Variants in DPF2 observed in about 807,000 individuals in gnomAD.
DPF2 encodes the protein zinc finger protein ubi-d4.
Under a neutral mutation model 59.6 loss-of-function variants are expected in DPF2, and 10 were observed. The ratio of observed to expected loss-of-function variants is 0.17; its 90% confidence interval spans 0.10 to 0.28. The LOEUF (loss-of-function observed/expected upper bound fraction) is 0.28, where lower values mean the gene tolerates loss of function less well. Ranked by LOEUF, DPF2 falls within the 10% of genes least tolerant of loss-of-function variation. DPF2 has a pLI of 1.00. For synonymous variants in DPF2, 189 were observed against 190.6 expected, an observed-to-expected ratio of 0.99 and a Z score of 0.07; for missense variants, 315 against 509.4, an observed-to-expected ratio of 0.62 and a Z score of 3.67.
At chr11:65,342,862 A>C (rs1224937025) in intron 4 of DPF2, among the ~76,000 whole-genome samples, 1 of 150,576 alleles carries the variant, frequency 6.6e-6, no homozygotes, top group Non-Finnish European at 1.5e-5. Context: ...AATACAAAAA[A>C]AATTAGCCAG....
At chr11:65,340,925 A>T (rs1356774001) in intron 2 of DPF2, 41 bp from the exon 3 acceptor site, 9 of 1,592,972 alleles carry the variant, frequency 5.6e-6, no homozygotes, top group Non-Finnish European at 5.1e-6. Flanking sequence ...ACTTTCTAAT[A>T]CTGGGTTAGG....
rs752963300 is a variant in DPF2, at chr11:65,340,403, C to T, written c.51C>T (p.Tyr17=). The T allele has an allele frequency of 3.0e-5, 48 of 1,614,100 alleles. No homozygotes were observed. Among genetic ancestry groups the T allele is most frequent in the Non-Finnish European group, 4.0e-5 (47 of 1,180,050 alleles). ...NVVKLLGEQY[Y]KDAMEQCHNY... ...CCTGCAGCCTTGGGGAGCAGTACTA[C>T]AAAGATGCCATGGAGCAGTGCCACA... The change falls in exon 2 of 11, where the codon TAC becomes TAT. Residue 17 remains tyrosine (Y), a synonymous_variant. Coordinates refer to ENST00000528416, the MANE Select transcript of DPF2 (RefSeq NM_006268.5).
In DPF2 at chr11:65,344,673, T is replaced by C. The variant is rs899312804; in HGVS notation, c.637+604T>C. 4.6e-6 allele frequency: 7 copies of C among 1,509,702 alleles called. No homozygotes were observed. The Admixed American group carries it at 6.0e-5, about 13-fold the overall frequency. The allele number at this position is 1,509,702 out of a possible 1,614,324, so 93.5% of individuals were successfully genotyped here. ...TGGTTTTCCTTTCCCTTTTTCCCTCTTCCCTTGTTCCTCCTGCCTTTCTCA... is the reference window on the plus strand; with the variant it reads ...TGGTTTTCCTTTCCCTTTTTCCCTCCTCCCTTGTTCCTCCTGCCTTTCTCA... On this transcript the variant is annotated intron_variant, in intron 6 of 10. Coordinates refer to ENST00000528416, the MANE Select transcript of DPF2 (RefSeq NM_006268.5).
intron 1 of DPF2, among the ~76,000 whole-genome samples, chr11:65,340,110 T>G (rs1049185874): frequency 1.3e-5 from 2 of 152,200 alleles, no homozygotes; most frequent in Non-Finnish European, 2.9e-5. Context: ...GAGTGAACAT[T>G]CTTTCACCTC....
chr11:65,349,656 T>C (rs1173521457), intron 10 of DPF2, among the ~76,000 whole-genome samples: 4 of 151,904 alleles, frequency 2.6e-5, no homozygotes, highest in Non-Finnish European at 5.9e-5. Context: ...ATTAGCCGGC[T>C]GTGGTGGCGG....
intron 10 of DPF2, 23 bp from the exon 11 acceptor site, chr11:65,351,660 G>T: frequency 1.9e-6 from 3 of 1,612,762 alleles, no homozygotes; most frequent in Middle Eastern, 3.3e-4. Flanking sequence ...GACCCATCCT[G>T]ACCCCATTTT....
intron 1 of DPF2, among the ~76,000 whole-genome samples, chr11:65,340,164 A>G (rs1448522766): frequency 6.6e-6 from 1 of 152,204 alleles, no homozygotes; most frequent in South Asian, 2.1e-4. Flanking sequence ...TGATGAAATC[A>G]TGTGTTCCTG....
In DPF2 at chr11:65,340,459, G is replaced by A. The variant is rs761500665; in HGVS notation, c.107G>A (p.Ser36Asn). The change falls in exon 2 of 11, where the codon AGC (serine) becomes AAC (asparagine). Residue 36 changes from serine to asparagine, a missense_variant. Ser to Asn is a conservative substitution (Grantham distance 46, BLOSUM62 1). Coordinates refer to ENST00000528416, the MANE Select transcript of DPF2 (RefSeq NM_006268.5). ...AATGCTCGCCTCTGTGCTGAGCGCA[G>A]CGTGCGCCTGCCTTTCTTGGACTCA... ...NYNARLCAER[S>N]VRLPFLDSQT... 2 of 1,614,160 alleles carry A rather than the reference G, an allele frequency of 1.2e-6. No individual in the cohort carries two copies. The highest frequency in any genetic ancestry group is 1.7e-5 in the Admixed American group (1 of 60,008).
chr11:65,341,679 G>A (rs1352828152), intron 4 of DPF2, 117 bp downstream of exon 4: 47 of 1,416,772 alleles, frequency 3.3e-5, no homozygotes, highest in Non-Finnish European at 4.2e-5. Flanking sequence ...GCAGGCCCCT[G>A]CAGTTCTGTT....
At chr11:65,340,108 A>G (rs1854317505) in intron 1 of DPF2, among the ~76,000 whole-genome samples, 1 of 152,224 alleles carries the variant, frequency 6.6e-6, no homozygotes, top group Admixed American at 6.5e-5. Context: ...TGGAGTGAAC[A>G]TTCTTTCACC....
intron 1 of DPF2, among the ~76,000 whole-genome samples, chr11:65,338,397 C>G (rs1374960591): frequency 1.3e-5 from 2 of 152,208 alleles, no homozygotes; most frequent in Non-Finnish European, 2.9e-5. Context: ...GACAGAACAT[C>G]TCTCATTCAT....
chr11:65,335,698 T>G (rs1258008748), intron 1 of DPF2, among the ~76,000 whole-genome samples: 3 of 152,238 alleles, frequency 2.0e-5, no homozygotes, highest in Non-Finnish European at 4.4e-5. Context: ...GGGGCTTCTA[T>G]TCTTCCAGTT....
chr11:65,349,173 G>A (rs973014153), intron 10 of DPF2, among the ~76,000 whole-genome samples: 2 of 152,164 alleles, frequency 1.3e-5, no homozygotes, highest in Admixed American at 6.5e-5. Context: ...ATGCTGAGCC[G>A]AGATCAGGCA....
chr11:65,344,979 C>T (rs1261707781), intron 6 of DPF2: 1 of 310,296 alleles, frequency 3.2e-6, no homozygotes, highest in Non-Finnish European at 5.9e-6. Context: ...GCCATCCTCT[C>T]TCCCCACTCC....
At position 65,341,032 on chromosome 11, in the gene DPF2, C is replaced by G. The variant is rs763561629; in HGVS notation, c.260C>G (p.Pro87Arg). 2.5e-6 allele frequency: 4 copies of G among 1,614,148 alleles called. No individual in the cohort carries two copies. The Admixed American group carries it at 6.7e-5, about 27-fold the overall frequency. Residue 87 changes from proline to arginine, a missense_variant, in exon 3 of 11, where the codon CCC (proline) becomes CGC (arginine). Physicochemically the swap from Pro to Arg is moderately radical, Grantham distance 103. This residue lies in a region of DPF2 where 228 missense variants were observed against 275.3 expected (regional missense o/e 0.83). Transcript: ENST00000528416. ...TGGCGGAAAAAGCGGCGAGCCCATCCCCCTGAGGATCCACGACTTTCCTTC... is the reference window on the plus strand; with the variant it reads ...TGGCGGAAAAAGCGGCGAGCCCATCGCCCTGAGGATCCACGACTTTCCTTC... ...RRWRKKRRAH[P>R]PEDPRLSFPS...
intron 4 of DPF2, 80 bp from the exon 5 acceptor site, chr11:65,343,665 G>A: frequency 4.3e-6 from 6 of 1,384,680 alleles, no homozygotes; most frequent in Non-Finnish European, 5.0e-6. Flanking sequence ...GGAGGTTCTG[G>A]GTGGCCTTGG....
chr11:65,336,558 G>A (rs1260108679), intron 1 of DPF2, among the ~76,000 whole-genome samples: 2 of 151,864 alleles, frequency 1.3e-5, no homozygotes, highest in Non-Finnish European at 1.5e-5. Flanking sequence ...TTGGGAGTCC[G>A]AGGCGGGCAG....
rs1854611630 is a variant in DPF2, at chr11:65,348,778, A to G, written c.1018-72A>G. 5 of 1,488,678 alleles carry G rather than the reference A, an allele frequency of 3.4e-6. No homozygotes were observed. The African/African-American group carries it at 6.9e-5, about 21-fold the overall frequency. 92.2% of individuals were successfully genotyped at this position (1,488,678 alleles called of 1,614,324 possible). On this transcript the variant is annotated intron_variant, in intron 9 of 10. Transcript: ENST00000528416. The stretch of plus-strand genomic sequence containing the variant: ...CCTGCTACCTACCCCTCTTGGAAAT[A>G]GCAGTGTCCTGTAGTGGCCTGAGGC...
At chr11:65,341,284 C>T (rs975839793) in intron 3 of DPF2, 115 bp from the exon 4 acceptor site, 124 of 1,453,950 alleles carry the variant, frequency 8.5e-5, no homozygotes, top group Non-Finnish European at 1.0e-4. Context: ...AATTCCTGGG[C>T]GTGCAGAGAA....
Sources: gnomAD v4.1 joint callset for allele counts (sites outside exome capture counted in the v4.1 genomes callset) on GRCh38, gnomAD v4.1.1 for gene constraint, gnomAD v4.1.1 regional missense constraint, MANE v1.5 for transcripts, NCBI Gene and HGNC (gene_info 2026-07-23, HGNC 2026-07-21) for gene names.